The following NXN variants were observed in gnomAD, a reference collection of about 807,000 sequenced individuals.
The protein encoded by NXN is nucleoredoxin.
A neutral mutation model predicts 48.6 loss-of-function variants in NXN; 16 were observed. That is an observed-to-expected ratio of 0.33 (90% CI 0.22 to 0.50). NXN has a LOEUF of 0.50. Ranked by LOEUF, NXN falls within the 20% of genes least tolerant of loss-of-function variation. The pLI is 0.98. For synonymous variants in NXN, 281 were observed against 269.6 expected (o/e 1.04, Z -0.41); for missense variants, 492 against 605.5 (o/e 0.81, Z 1.97).
intron 1 of NXN, among the ~76,000 whole-genome samples, chr17:827,696 C>A (rs1913205653): frequency 6.6e-6 from 1 of 152,244 alleles, no homozygotes; most frequent in Admixed American, 6.5e-5. Context: ...AGGGAAGCTG[C>A]AGAGTGCCCC....
At chr17:841,255 C>T (rs967158222) in intron 1 of NXN, among the ~76,000 whole-genome samples, 3 of 152,226 alleles carry the variant, frequency 2.0e-5, no homozygotes, top group Non-Finnish European at 2.9e-5. Context: ...GCCAGGGCAA[C>T]AGGCCCCGCA....
chr17:923,249 T>C (rs1035247681), intron 1 of NXN, among the ~76,000 whole-genome samples: 1 of 152,148 alleles, frequency 6.6e-6, no homozygotes, highest in Non-Finnish European at 1.5e-5. Flanking sequence ...CCTTGTCTTA[T>C]TCACTCTGTT....
At chr17:813,099 G>A (rs1308130898) in intron 5 of NXN, among the ~76,000 whole-genome samples, 1 of 152,260 alleles carries the variant, frequency 6.6e-6, no homozygotes, top group Non-Finnish European at 1.5e-5. Flanking sequence ...GACACTGGAA[G>A]CCGTAACCAC....
At chr17:822,176 G>T (rs1409506609) in intron 4 of NXN, among the ~76,000 whole-genome samples, 181 bp downstream of exon 4, 1 of 152,006 alleles carries the variant, frequency 6.6e-6, no homozygotes, top group Non-Finnish European at 1.5e-5. Context: ...CTACTCAGGA[G>T]GCTAAGGCAG....
At chr17:977,852 A>T (rs940703717) in intron 1 of NXN, among the ~76,000 whole-genome samples, 4 of 152,270 alleles carry the variant, frequency 2.6e-5, no homozygotes, top group Non-Finnish European at 5.9e-5. Context: ...TATTCATACT[A>T]TATCAAGCAT....
chr17:877,594 C>T lies in NXN; in HGVS notation c.361-51516G>A, dbSNP rs537374961. Among the ~76,000 whole-genome samples the T allele has an allele frequency of 3.9e-5, 6 of 152,244 alleles. No individual in the cohort carries two copies. The South Asian group carries it at 8.3e-4, about 21-fold the overall frequency. ...GGAAGGCCCAGCCCCATACGGAAGACGGACGCGTACATAAACTATTAGGAT... is the reference window on the plus strand; with the variant it reads ...GGAAGGCCCAGCCCCATACGGAAGATGGACGCGTACATAAACTATTAGGAT... On this transcript the variant is annotated intron_variant, in intron 1 of 7. Transcript: ENST00000336868.
intron 1 of NXN, among the ~76,000 whole-genome samples, chr17:975,746 A>G (rs1194318003): frequency 1.3e-5 from 2 of 152,222 alleles, no homozygotes; most frequent in Non-Finnish European, 2.9e-5. Flanking sequence ...TGCGACTTTA[A>G]CACCAAAAGA....
At chr17:870,632 G>A (rs1005385011) in intron 1 of NXN, among the ~76,000 whole-genome samples, 2 of 151,976 alleles carry the variant, frequency 1.3e-5, no homozygotes, top group East Asian at 1.9e-4. Flanking sequence ...TCCCGTGCCT[G>A]TAGTCCCAGC....
At chr17:873,957 T>C (rs1229811464) in intron 1 of NXN, among the ~76,000 whole-genome samples, 1 of 152,146 alleles carries the variant, frequency 6.6e-6, no homozygotes, top group Non-Finnish European at 1.5e-5. Flanking sequence ...TTTTCCAGCA[T>C]CTGAGCCGCC....
intron 1 of NXN, among the ~76,000 whole-genome samples, chr17:943,571 C>G (rs1045005691): frequency 2.6e-5 from 4 of 152,192 alleles, no homozygotes; most frequent in Non-Finnish European, 4.4e-5. Context: ...CCTGTAATCC[C>G]AGCAGTTTGG....
intron 1 of NXN, among the ~76,000 whole-genome samples, chr17:847,494 T>C (rs2067877258): frequency 6.6e-6 from 1 of 152,164 alleles, no homozygotes; most frequent in African/African-American, 2.4e-5. Context: ...CCTGGACCGG[T>C]CCACAGCGGT....
chr17:931,471 G>C (rs1031916234), intron 1 of NXN, among the ~76,000 whole-genome samples: 24 of 149,764 alleles, frequency 1.6e-4, no homozygotes, highest in Non-Finnish European at 2.8e-4. Context: ...AAACAAGAAA[G>C]ATAAAGTCAT....
intron 5 of NXN, among the ~76,000 whole-genome samples, chr17:809,898 C>A (rs77715035): frequency 0.12 from 13,986 of 113,736 alleles, 1,519 homozygotes; most frequent in East Asian, 0.2. Flanking sequence ...GTTAAGAGTC[C>A]CTGTGAGTGC....
chr17:913,986 G>A (rs1197145270), intron 1 of NXN, among the ~76,000 whole-genome samples: 6 of 152,088 alleles, frequency 3.9e-5, no homozygotes, highest in Admixed American at 6.6e-5. Flanking sequence ...TGCAACCTCC[G>A]GCTCCTGAGT....
intron 1 of NXN, among the ~76,000 whole-genome samples, chr17:854,540 A>G (rs934402841): frequency 6.6e-6 from 1 of 151,802 alleles, no homozygotes; most frequent in Non-Finnish European, 1.5e-5. Flanking sequence ...CTGTAGTCCC[A>G]GCTACTTGGG....
intron 1 of NXN, among the ~76,000 whole-genome samples, chr17:848,868 G>A (rs1597660770): frequency 6.6e-6 from 1 of 152,316 alleles, no homozygotes; most frequent in East Asian, 1.9e-4. Context: ...AGATGACGGA[G>A]GTTTTTCTGG....
intron 1 of NXN, among the ~76,000 whole-genome samples, chr17:878,908 T>C (rs2068251068): frequency 6.6e-6 from 1 of 152,142 alleles, no homozygotes; most frequent in Non-Finnish European, 1.5e-5. Flanking sequence ...CTCACGCCTG[T>C]AATCCCAGCA....
intron 1 of NXN, among the ~76,000 whole-genome samples, chr17:841,420 C>CGAGCGGGTCCCCCCTGACCACGGA (rs1567827413): frequency 3.0e-5 from 1 of 33,544 alleles, no homozygotes; most frequent in African/African-American, 8.3e-5. Context: ...CTGACCACGG[C>CGAGCGGGTCCCCCCTGACCACGGA]GCATCTCACA....
In NXN at chr17:956,996, G is replaced by A. The variant is rs1051599419; in HGVS notation, c.360+22323C>T. On this transcript the variant is annotated intron_variant, in intron 1 of 7. Coordinates refer to ENST00000336868, the MANE Select transcript of NXN (RefSeq NM_022463.5). This position sits in a 1 kb window ranked among gnomAD's most constrained non-coding sequence, Gnocchi z 4.1. The stretch of plus-strand genomic sequence containing the variant: ...AAATTTATAGGTATATATATTTCAT[G>A]CCTTATCTCCCCAGCTTAATTATAA... 2.2e-4 allele frequency among the ~76,000 whole-genome samples: 33 copies of A among 152,250 alleles called. No individual in the cohort carries two copies. The highest frequency in any genetic ancestry group is 7.5e-4 in the African/African-American group (31 of 41,552).
Sources: allele counts gnomAD v4.1 joint callset (sites outside exome capture counted in the v4.1 genomes callset), GRCh38; gene constraint gnomAD v4.1.1; non-coding constraint Gnocchi (gnomAD v3.1); transcripts MANE v1.5; gene names NCBI Gene and HGNC (gene_info 2026-07-23, HGNC 2026-07-21).